Variants in PID1 observed in about 807,000 individuals in gnomAD.
PID1 encodes phosphotyrosine interaction domain containing 1.
A neutral mutation model predicts 19.1 loss-of-function variants in PID1; 10 were observed. The ratio of observed to expected loss-of-function variants is 0.52; its 90% CI spans 0.32 to 0.89. PID1 has a LOEUF of 0.89. Among genes scored for constraint, PID1 ranks in the 40% least tolerant of loss-of-function variants. The pLI is 0.03. For synonymous variants in PID1, 130 were observed against 116.0 expected (o/e 1.12, Z -0.78); for missense variants, 248 against 285.3 (o/e 0.87, Z 0.94).
At chr2:229,133,351 G>T (rs1289050160) in intron 2 of PID1, among the ~76,000 whole-genome samples, 1 of 152,196 alleles carries the variant, frequency 6.6e-6, no homozygotes, top group East Asian at 1.9e-4. Context: ...TTCAGTAGGT[G>T]GCACTATTCC....
At chr2:229,061,210 T>A (rs1688010101) in intron 2 of PID1, among the ~76,000 whole-genome samples, 1 of 152,110 alleles carries the variant, frequency 6.6e-6, no homozygotes, top group Non-Finnish European at 1.5e-5. Flanking sequence ...TGCCTTTATG[T>A]TTTCTTCTAG....
chr2:229,271,275 GCGAGAGGAC>G lies in PID1; in HGVS notation c.-241_-233del, dbSNP rs1690732968. ...GCGCGCCGGCTGTCCTGGCGCAGCT[GCGAGAGGAC>G]TGCGCAGCTCCGCCCGGGCCCGGCG... is the stretch of plus-strand genomic sequence containing the variant. On this transcript the variant is annotated 5_prime_UTR_variant, in exon 1 of 3. Transcript: ENST00000392055. The G allele has an allele frequency of 2.9e-6, 1 of 350,430 alleles. No homozygotes were observed. Among genetic ancestry groups the G allele is most frequent in the African/African-American group, 2.2e-5 (1 of 45,320 alleles). 21.7% of individuals were successfully genotyped at this position (350,430 alleles called of 1,614,324 possible). A position where few individuals can be genotyped will look rare whatever the true frequency, so the allele number is the denominator to read the frequency against.
Position 229,250,281 on chromosome 2 carries a change from AT to A in PID1, c.30+20732del, listed in dbSNP as rs953492084. Among the ~76,000 whole-genome samples the A allele has an allele frequency of 4.6e-5, 7 of 152,284 alleles. No individual in the cohort carries two copies. In the South Asian group the frequency reaches 6.2e-4, roughly 14 times the overall value. On this transcript the variant is annotated intron_variant, in intron 1 of 2. Coordinates refer to ENST00000392055, the MANE Select transcript of PID1 (RefSeq NM_001100818.2). ...CCCAACTTCTGAGTACTCAGATGCA[AT>A]TTTTTTAATCACAAAAAAGAGTCTT...
intron 1 of PID1, among the ~76,000 whole-genome samples, chr2:229,164,092 T>C (rs1690550956): frequency 6.6e-6 from 1 of 152,176 alleles, no homozygotes; most frequent in African/African-American, 2.4e-5. Flanking sequence ...ACCTAGGGGC[T>C]TTCCTCTGCA....
intron 1 of PID1, among the ~76,000 whole-genome samples, chr2:229,254,195 C>T (rs1177054053): frequency 1.3e-5 from 2 of 152,084 alleles, no homozygotes; most frequent in Non-Finnish European, 2.9e-5. Flanking sequence ...AATGGAGTCT[C>T]CCTACTGAAG....
intron 1 of PID1, among the ~76,000 whole-genome samples, chr2:229,255,401 T>A (rs1690266947): frequency 2.0e-5 from 3 of 152,154 alleles, no homozygotes; most frequent in Admixed American, 2.0e-4. Context: ...ACCAGTAAAA[T>A]GTCTGCAAAG....
intron 2 of PID1, among the ~76,000 whole-genome samples, chr2:229,152,021 A>T (rs1423108768): frequency 6.6e-6 from 1 of 152,162 alleles, no homozygotes; most frequent in Non-Finnish European, 1.5e-5. Context: ...TGATCCAGTA[A>T]TTCCAGAGCC....
chr2:229,258,861 C>CA (rs60923610), intron 1 of PID1, among the ~76,000 whole-genome samples: 111 of 66,772 alleles, frequency 1.7e-3, no homozygotes, highest in African/African-American at 2.7e-3. Context: ...GACTCCGTCT[C>CA]AAAAAAAAAA....
At chr2:229,223,122 T>C (rs918896647) in intron 1 of PID1, among the ~76,000 whole-genome samples, 1 of 152,156 alleles carries the variant, frequency 6.6e-6, no homozygotes, top group Non-Finnish European at 1.5e-5. Context: ...TATGTAGAAA[T>C]TTTATGATTC....
chr2:229,206,848 T>C (rs902517401), intron 1 of PID1, among the ~76,000 whole-genome samples: 2 of 152,184 alleles, frequency 1.3e-5, no homozygotes, highest in African/African-American at 4.8e-5. Context: ...GGTAGAACAA[T>C]GCTTCTCAAA....
chr2:229,142,716 G>A (rs1040094153), intron 2 of PID1, among the ~76,000 whole-genome samples: 18 of 152,300 alleles, frequency 1.2e-4, no homozygotes, highest in African/African-American at 3.6e-4. Flanking sequence ...GAGAGGATGT[G>A]GAGACATGGG....
At chr2:229,207,876 C>T (rs769370622) in intron 1 of PID1, among the ~76,000 whole-genome samples, 12 of 151,924 alleles carry the variant, frequency 7.9e-5, no homozygotes, top group Non-Finnish European at 1.5e-4. Flanking sequence ...CAACACGGCT[C>T]GGTAAATGGA....
At chr2:229,261,008 C>T (rs1265053193) in intron 1 of PID1, among the ~76,000 whole-genome samples, 1 of 152,050 alleles carries the variant, frequency 6.6e-6, no homozygotes, top group Non-Finnish European at 1.5e-5. Flanking sequence ...GGCTCAACCA[C>T]TAACCCAATA....
At chr2:229,145,816 TTAAAAAAACCACAGGTTTTGTG>T (rs978795245) in intron 2 of PID1, among the ~76,000 whole-genome samples, 1 of 151,978 alleles carries the variant, frequency 6.6e-6, no homozygotes. Flanking sequence ...GTAGAACAGG[TTAAAAAAACCACAGGTTTTGTG>T]TAAAAAAACC....
intron 2 of PID1, among the ~76,000 whole-genome samples, chr2:229,061,674 A>G (rs1694214755): frequency 6.6e-6 from 1 of 152,012 alleles, no homozygotes; most frequent in Admixed American, 6.6e-5. Context: ...CAGAAATTGT[A>G]TTGACCCTGT....
intron 2 of PID1, among the ~76,000 whole-genome samples, chr2:229,081,614 A>G (rs1345687444): frequency 6.6e-6 from 1 of 152,202 alleles, no homozygotes; most frequent in Non-Finnish European, 1.5e-5. Flanking sequence ...TGGAGCAAAG[A>G]GAAGGTGCAA....
chr2:229,229,862 C>T (rs372818152), intron 1 of PID1, among the ~76,000 whole-genome samples: 7 of 152,338 alleles, frequency 4.6e-5, no homozygotes, highest in African/African-American at 1.7e-4. Flanking sequence ...ATGTACCCTA[C>T]ATCATCACAT....
chr2:229,233,091 A>T (rs1692249788), intron 1 of PID1, among the ~76,000 whole-genome samples: 1 of 152,180 alleles, frequency 6.6e-6, no homozygotes, highest in South Asian at 2.1e-4. Context: ...AAAGCGCAAG[A>T]GGAGAAGGCA....
At chr2:229,227,199 C>G (rs1328330008) in intron 1 of PID1, among the ~76,000 whole-genome samples, 3 of 152,142 alleles carry the variant, frequency 2.0e-5, no homozygotes, top group African/African-American at 7.2e-5. Flanking sequence ...ACTTATATTG[C>G]CTAATATGAT....
Sources: gnomAD v4.1 joint callset for allele counts (sites outside exome capture counted in the v4.1 genomes callset) on GRCh38, gnomAD v4.1.1 for gene constraint, MANE v1.5 for transcripts, NCBI Gene and HGNC (gene_info 2026-07-23, HGNC 2026-07-21) for gene names.